Variants in KPNA7 observed in about 807,000 individuals in gnomAD.
KPNA7 encodes the protein importin subunit alpha-8.
KPNA7 carries 54 observed loss-of-function variants against 53.7 expected under a neutral mutation model. That is an observed-to-expected ratio of 1.01 (90% CI 0.81 to 1.26). The LOEUF is 1.26. Among genes scored for constraint, KPNA7 ranks in the 50% most tolerant of loss-of-function variants. KPNA7 has a pLI of 0.00. For synonymous variants in KPNA7, 276 were observed against 259.3 expected (o/e 1.06, Z -0.62); for missense variants, 640 against 644.5 (o/e 0.99, Z 0.07).
At chr7:99,163,459 GCT>G in the KPNA7 span, among the ~76,000 whole-genome samples, 1 of 125,542 alleles carries the variant, frequency 8.0e-6, no homozygotes, top group East Asian at 2.6e-4. Context: ...TGCAATTGTA[GCT>G]CACTGTAACC....
chr7:99,196,148 C>A lies in KPNA7; in HGVS notation c.220G>T (p.Glu74Ter). ...KGVAVSLTLGEIIKGVNSSDP... is the reference protein window; with the variant it reads ...KGVAVSLTLG ...GAGCTATTCACACCTTTGATTATTT[C>A]ACCCAGAGTGAGGCTGACCTGCAAG... The change falls in exon 4 of 11, where the codon GAA becomes TAA. Residue 74 changes from glutamate to a stop codon, truncating the protein, a stop_gained. Transcript: ENST00000327442. LOFTEE classifies it high-confidence loss of function. The A allele has an allele frequency of 6.4e-7, 1 of 1,551,774 alleles. No homozygotes were observed.
At chr7:99,170,393 A>G (rs1296659048), downstream of KPNA7, among the ~76,000 whole-genome samples, 1 of 152,226 alleles carries the variant, frequency 6.6e-6, no homozygotes, top group Non-Finnish European at 1.5e-5. Flanking sequence ...GAGATAAAGT[A>G]GAATACCCCA....
chr7:99,214,386 T>C (rs1321561678), intron 1 of KPNA7, among the ~76,000 whole-genome samples: 1 of 149,942 alleles, frequency 6.7e-6, no homozygotes, highest in Admixed American at 6.7e-5. Context: ...GAGGTTACAG[T>C]GAGCTGAGAT....
At chr7:99,208,330 A>G, upstream of KPNA7, among the ~76,000 whole-genome samples, 1 of 152,084 alleles carries the variant, frequency 6.6e-6, no homozygotes, top group Admixed American at 6.6e-5. Flanking sequence ...ATCTTGGCTC[A>G]CTGCAAGCTC....
chr7:99,215,759 G>C (rs1320069931), intron 1 of KPNA7, among the ~76,000 whole-genome samples: 1 of 151,998 alleles, frequency 6.6e-6, no homozygotes, highest in Non-Finnish European at 1.5e-5. Context: ...GATTATTTGA[G>C]ACCAGGAGTT....
Position 99,182,033 on chromosome 7 carries a change from C to A in KPNA7, c.1167G>T (p.Trp389Cys). ...GEFKVQKEAV[W>C]MVANFATGAT... ...CCCCTGTTGCAAAGTTCGCCACCAT[C>A]CAGACAGCCTCTTTCTGGACTTTAA... Residue 389 changes from tryptophan to cysteine, a missense_variant, in exon 9 of 11, where the codon TGG becomes TGT. Coordinates refer to ENST00000327442, the MANE Select transcript of KPNA7 (RefSeq NM_001145715.3). 1 of 1,545,008 alleles carries A rather than the reference C, an allele frequency of 6.5e-7. No homozygotes were observed. Among genetic ancestry groups the A allele is most frequent in the African/African-American group, 1.4e-5 (1 of 73,002 alleles).
the KPNA7 span, among the ~76,000 whole-genome samples, chr7:99,147,463 T>C: frequency 6.6e-6 from 1 of 152,232 alleles, no homozygotes; most frequent in Non-Finnish European, 1.5e-5. Flanking sequence ...ATGGAGCTGC[T>C]TGTATACTCT....
At chr7:99,203,319 C>T (rs1010084938) in intron 2 of KPNA7, 79 bp from the exon 3 acceptor site, 1 of 1,414,324 alleles carries the variant, frequency 7.1e-7, no homozygotes, top group South Asian at 1.3e-5. Flanking sequence ...TGTTTCAAAG[C>T]ATCCAATTTC....
At chr7:99,182,168 G>C (rs1336334943) in intron 8 of KPNA7, 103 bp from the exon 9 acceptor site, 7 of 807,978 alleles carry the variant, frequency 8.7e-6, no homozygotes, top group Non-Finnish European at 1.3e-5. Context: ...AGCCAGGACT[G>C]CATGTACAAT....
chr7:99,185,112 C>T lies in KPNA7; in HGVS notation c.951G>A (p.Gln317=). 1 of 1,552,094 alleles carries T rather than the reference C, an allele frequency of 6.4e-7. No homozygotes were observed. Among genetic ancestry groups the T allele is most frequent in the Non-Finnish European group, 8.7e-7 (1 of 1,147,082 alleles). The stretch of plus-strand genomic sequence containing the variant: ...TACCCGCATCAATGGCCATCTGCGT[C>T]TGCTCATCTGTGCCCGTGACAATGT... ...VGNIVTGTDE[Q]TQMAIDAGML... The change falls in exon 8 of 11, where the codon CAG becomes CAA. Residue 317 remains glutamine, a synonymous_variant. Coordinates refer to ENST00000327442, the MANE Select transcript of KPNA7 (RefSeq NM_001145715.3).
chr7:99,176,240 G>T (rs943094431), intron 10 of KPNA7, among the ~76,000 whole-genome samples: 1 of 148,114 alleles, frequency 6.8e-6, no homozygotes, highest in Non-Finnish European at 1.5e-5. Flanking sequence ...GGAGGTTGCA[G>T]TGAGCCAAGA....
intron 9 of KPNA7, among the ~76,000 whole-genome samples, chr7:99,180,747 C>CTCTCTCTCTCTCCCCGTCTGTG (rs1799164427): frequency 1.2e-5 from 1 of 81,648 alleles, no homozygotes; most frequent in African/African-American, 5.0e-5. Flanking sequence ...CTCCCCGTGT[C>CTCTCTCTCTCTCCCCGTCTGTG]TCTCTCTCTC....
At chr7:99,147,199 CATGAGCAACTGACA>C in the KPNA7 span, among the ~76,000 whole-genome samples, 5 of 152,176 alleles carry the variant, frequency 3.3e-5, no homozygotes, top group Admixed American at 6.5e-5. Context: ...ATGAAACAGA[CATGAGCAACTGACA>C]ATGATACAGT....
At chr7:99,152,207 C>T in the KPNA7 span, among the ~76,000 whole-genome samples, 1 of 150,210 alleles carries the variant, frequency 6.7e-6, no homozygotes, top group African/African-American at 2.5e-5. Context: ...ACAACAACAA[C>T]AAAAATTAGC....
At chr7:99,213,089 CAAG>C (rs1482062771), upstream of KPNA7, among the ~76,000 whole-genome samples, 1 of 150,246 alleles carries the variant, frequency 6.7e-6, no homozygotes. Context: ...CTGGAGTAGA[CAAG>C]AATTATGGGC....
chr7:99,164,652 C>T, the KPNA7 span, among the ~76,000 whole-genome samples: 1 of 151,352 alleles, frequency 6.6e-6, no homozygotes, highest in African/African-American at 2.4e-5. Context: ...AAAAATTTCT[C>T]GAAAGAGTAT....
the KPNA7 span, among the ~76,000 whole-genome samples, chr7:99,153,135 G>A: frequency 6.6e-6 from 1 of 152,192 alleles, no homozygotes; most frequent in Non-Finnish European, 1.5e-5. Flanking sequence ...CCCCGAAGGA[G>A]TTTCTGCTCC....
intron 6 of KPNA7, among the ~76,000 whole-genome samples, chr7:99,191,823 T>C (rs907041072): frequency 2.0e-5 from 3 of 152,140 alleles, no homozygotes; most frequent in African/African-American, 4.8e-5. Flanking sequence ...CTAGTTTCTG[T>C]ATTTTTAGTA....
At chr7:99,206,554 G>T (rs975587513) in intron 2 of KPNA7, among the ~76,000 whole-genome samples, 3 of 152,074 alleles carry the variant, frequency 2.0e-5, no homozygotes, top group Non-Finnish European at 2.9e-5. Flanking sequence ...CTGCAGCCTT[G>T]AACTCCTGGG....
Sources: gnomAD v4.1 joint callset for allele counts (sites outside exome capture counted in the v4.1 genomes callset) on GRCh38, gnomAD v4.1.1 for gene constraint, MANE v1.5 for transcripts, NCBI Gene and HGNC (gene_info 2026-07-23, HGNC 2026-07-21) for gene names.